The following PAN3 variants were observed in gnomAD, a reference collection of about 807,000 sequenced individuals.
PAN3 encodes poly(A) specific ribonuclease subunit PAN3, also known as PAN2-PAN3 deadenylation complex subunit PAN3.
PAN3 carries 19 observed loss-of-function variants against 96.2 expected under a neutral mutation model. The ratio of observed to expected loss-of-function variants is 0.20; its 90% confidence interval spans 0.14 to 0.29. The LOEUF (loss-of-function observed/expected upper bound fraction) is 0.29, where lower values mean the gene tolerates loss of function less well. Among genes scored for constraint, PAN3 ranks in the 10% least tolerant of loss-of-function variants. The pLI is 1.00. For missense variants in PAN3, 882 were observed against 1,108.1 expected (o/e 0.80, Z 2.90); for synonymous variants, 433 against 406.6 (o/e 1.06, Z -0.78).
chr13:28,258,707 C>A (rs921668735), intron 7 of PAN3, among the ~76,000 whole-genome samples: 1 of 152,058 alleles, frequency 6.6e-6, no homozygotes, highest in Non-Finnish European at 1.5e-5. Flanking sequence ...CAAAAAGTGG[C>A]GATGAACTGC....
rs1233025547 is a variant in PAN3 at position 28,179,147 on chromosome 13, C to T, written c.690+1212C>T. Among the ~76,000 whole-genome samples, 6 of 152,284 alleles carry T rather than the reference C, an allele frequency of 3.9e-5. 1 individual carries two copies. In the East Asian group the frequency reaches 1.2e-3, roughly 29 times the overall value. On this transcript the variant is annotated intron_variant, in intron 4 of 18. Transcript: ENST00000380958. ...TGGGTTTAATGGATTTCCTTATAGG[C>T]TCTTATCATGGATAAATTTACCCTG...
intron 15 of PAN3, among the ~76,000 whole-genome samples, chr13:28,280,052 C>T (rs1887340265): frequency 6.6e-6 from 1 of 152,012 alleles, no homozygotes; most frequent in Non-Finnish European, 1.5e-5. Flanking sequence ...TCCCAAAGTG[C>T]TGGGATTACA....
chr13:28,227,479 C>T (rs17086410), intron 6 of PAN3, among the ~76,000 whole-genome samples: 15,260 of 152,152 alleles, frequency 0.1, 988 homozygotes, highest in African/African-American at 0.19. Context: ...TCTCTTGCTG[C>T]TCTTGGACTG....
chr13:28,140,553 T>C (rs1869609609), intron 1 of PAN3, among the ~76,000 whole-genome samples: 1 of 152,206 alleles, frequency 6.6e-6, no homozygotes, highest in Non-Finnish European at 1.5e-5. Context: ...TTTGCTTTCT[T>C]GCTTTTTCTT....
rs1264900148 is a variant in PAN3 at position 28,294,414 on chromosome 13, AAAG to A, written c.*1895_*1897del. ...ATCATATTGTATTCTTTTGTACAAA[AAAG>A]AACTACTTGTATTCTAGAAGAAATA... On this transcript the variant is annotated 3_prime_UTR_variant, in exon 19 of 19. Transcript: ENST00000380958. 1 of 152,664 alleles carries A rather than the reference AAAG, an allele frequency of 6.6e-6. No homozygotes were observed. The highest frequency in any genetic ancestry group is 2.4e-5 in the African/African-American group (1 of 41,452). The allele number at this position is 152,664 out of a possible 1,614,324, so 9.5% of individuals were successfully genotyped here.
intron 12 of PAN3, among the ~76,000 whole-genome samples, chr13:28,269,626 C>CT (rs1164584949): frequency 6.6e-6 from 1 of 151,986 alleles, no homozygotes; most frequent in Non-Finnish European, 1.5e-5. Context: ...TGCAAAAACT[C>CT]TTGTTTCCTT....
At chr13:28,235,682 T>TACACACACATACACACACACAC (rs1555285729) in intron 6 of PAN3, among the ~76,000 whole-genome samples, 9 of 123,498 alleles carry the variant, frequency 7.3e-5, no homozygotes, top group African/African-American at 2.8e-4. Flanking sequence ...TTCTCTAATA[T>TACACACACATACACACACACAC]ACACACACAC....
intron 17 of PAN3, among the ~76,000 whole-genome samples, chr13:28,281,761 G>A (rs1887485816): frequency 7.5e-6 from 1 of 133,832 alleles, no homozygotes; most frequent in Non-Finnish European, 1.6e-5. Context: ...TTCTATTAAA[G>A]CACACTTTTT....
chr13:28,252,180 G>A (rs1262073270), intron 6 of PAN3, among the ~76,000 whole-genome samples: 7 of 145,558 alleles, frequency 4.8e-5, no homozygotes. Context: ...GAGCCACTGC[G>A]ACGGGCCCTT....
At chr13:28,167,104 T>TA (rs1274523505) in intron 1 of PAN3, among the ~76,000 whole-genome samples, 7 of 149,774 alleles carry the variant, frequency 4.7e-5, no homozygotes, top group African/African-American at 1.7e-4. Context: ...TTTTTTTTTT[T>TA]AGAGATGAGG....
At chr13:28,289,732 G>A (rs1460804797) in intron 18 of PAN3, among the ~76,000 whole-genome samples, 3 of 151,996 alleles carry the variant, frequency 2.0e-5, no homozygotes, top group Admixed American at 6.5e-5. Flanking sequence ...AATTAAAAAA[G>A]TTAGCCGGGC....
intron 4 of PAN3, among the ~76,000 whole-genome samples, chr13:28,182,431 T>C (rs1369991460): frequency 6.6e-6 from 1 of 152,246 alleles, no homozygotes; most frequent in African/African-American, 2.4e-5. Context: ...TATATTTCTT[T>C]GGTTTACTTT....
At chr13:28,153,818 A>G (rs1370361968) in intron 1 of PAN3, among the ~76,000 whole-genome samples, 3 of 152,224 alleles carry the variant, frequency 2.0e-5, no homozygotes, top group Non-Finnish European at 4.4e-5. Context: ...TCCAAAATTC[A>G]GCATTAGCCT....
At chr13:28,257,276 G>A (rs998207914) in intron 7 of PAN3, among the ~76,000 whole-genome samples, 3 of 152,114 alleles carry the variant, frequency 2.0e-5, no homozygotes, top group Non-Finnish European at 4.4e-5. Flanking sequence ...GAGTCAGGGG[G>A]CGAGAATGAA....
In PAN3 at chr13:28,292,625, A is replaced by C. The variant is rs1273543691; in HGVS notation, c.*103A>C. 1.7e-6 allele frequency: 2 copies of C among 1,206,762 alleles called. No individual in the cohort carries two copies. The highest frequency in any genetic ancestry group is 3.1e-5 in the African/African-American group (2 of 65,048). 74.8% of individuals were successfully genotyped at this position (1,206,762 alleles called of 1,614,324 possible). Reference sequence around the variant, plus strand: ...CATCTCATTCACATTTGGGAAACGAACAGGAGATGAGCAAAGCTGCTTGCA... The same window carrying C: ...CATCTCATTCACATTTGGGAAACGACCAGGAGATGAGCAAAGCTGCTTGCA... On this transcript the variant is annotated 3_prime_UTR_variant, in exon 19 of 19. Coordinates refer to ENST00000380958, the MANE Select transcript of PAN3 (RefSeq NM_175854.8).
intron 9 of PAN3, among the ~76,000 whole-genome samples, chr13:28,261,818 G>C (rs969449598): frequency 8.3e-6 from 1 of 120,942 alleles, no homozygotes; most frequent in African/African-American, 3.1e-5. Flanking sequence ...GGGTGACAGA[G>C]TGAGACCCTG....
At chr13:28,215,521 G>C (rs1027631112) in intron 5 of PAN3, 2 of 673,858 alleles carry the variant, frequency 3.0e-6, no homozygotes, top group Admixed American at 2.3e-5. Context: ...AATGAAGGCA[G>C]TTGGCCTCAC....
At chr13:28,156,411 A>G (rs1035484233) in intron 1 of PAN3, among the ~76,000 whole-genome samples, 1 of 152,184 alleles carries the variant, frequency 6.6e-6, no homozygotes, top group African/African-American at 2.4e-5. Flanking sequence ...TGAATCAGTA[A>G]TAAAAAACCT....
chr13:28,183,811 A>G (rs1876109251), intron 4 of PAN3, among the ~76,000 whole-genome samples: 1 of 152,178 alleles, frequency 6.6e-6, no homozygotes, highest in African/African-American at 2.4e-5. Context: ...CAAAATGAGA[A>G]TGTGGTACCT....
Sources: gnomAD v4.1 joint callset for allele counts (sites outside exome capture counted in the v4.1 genomes callset) on GRCh38, gnomAD v4.1.1 for gene constraint, MANE v1.5 for transcripts, NCBI Gene and HGNC (gene_info 2026-07-23, HGNC 2026-07-21) for gene names.